The following SNX13 variants were observed in gnomAD, a reference collection of about 807,000 sequenced individuals.
The protein encoded by SNX13 is sorting nexin-13.
A neutral mutation model predicts 133.6 loss-of-function variants in SNX13; 45 were observed. The ratio of observed to expected loss-of-function variants is 0.34; its 90% CI spans 0.27 to 0.43. The LOEUF (loss-of-function observed/expected upper bound fraction) is 0.43. SNX13 is among the 20% of genes least tolerant of loss of function. The probability of loss-of-function intolerance (pLI) is 1.00; values close to 1 mark genes in which losing one functional copy is unlikely to be tolerated. For synonymous variants in SNX13, 414 were observed against 373.9 expected (o/e 1.11, Z -1.24); for missense variants, 1,032 against 1,145.1 (o/e 0.90, Z 1.43).
At chr7:17,912,602 G>T (rs1465636850) in intron 1 of SNX13, among the ~76,000 whole-genome samples, 1 of 151,934 alleles carries the variant, frequency 6.6e-6, no homozygotes, top group Non-Finnish European at 1.5e-5. Flanking sequence ...GTAGAGACGG[G>T]GTTTACACCA....
Position 17,791,406 on chromosome 7 carries a change from G to A in SNX13, c.*2639C>T, listed in dbSNP as rs1783529167. ...TTTTTTTTTTTTTTAAAAAAATTAA[G>A]GCTAACCAAGTGCATCCATTGGTCA... On this transcript the variant is annotated 3_prime_UTR_variant, in exon 26 of 26. Coordinates refer to ENST00000428135, the MANE Select transcript of SNX13 (RefSeq NM_015132.5). 6.7e-6 allele frequency: 1 copy of A among 148,644 alleles called. No individual in the cohort carries two copies. The highest frequency in any genetic ancestry group is 1.5e-5 in the Non-Finnish European group (1 of 67,196). 9.2% of individuals were successfully genotyped at this position (148,644 alleles called of 1,614,324 possible).
At chr7:17,915,127 G>A (rs1365398364) in intron 1 of SNX13, among the ~76,000 whole-genome samples, 1 of 152,158 alleles carries the variant, frequency 6.6e-6, no homozygotes, top group Non-Finnish European at 1.5e-5. Context: ...GGACAAAGAA[G>A]AGCATTATAT....
chr7:17,824,542 C>G (rs187965114), intron 17 of SNX13, among the ~76,000 whole-genome samples: 3 of 151,610 alleles, frequency 2.0e-5, no homozygotes, highest in Admixed American at 2.0e-4. Flanking sequence ...ATTATTATTA[C>G]TAGCCCATCT....
rs1434828704 is a variant in SNX13 at position 17,804,664 on chromosome 7, T to C, written c.2065-1084A>G. ...AGAGATGCAGATGAGACTGAGCGAT[T>C]CTTTAACAGAAATAAAGAAATCAAA... On this transcript the variant is annotated intron_variant, in intron 20 of 25. Transcript: ENST00000428135. 2.0e-5 allele frequency among the ~76,000 whole-genome samples: 3 copies of C among 152,036 alleles called. No individual in the cohort carries two copies. The East Asian group carries it at 5.8e-4, about 29-fold the overall frequency.
At chr7:17,924,386 G>A (rs1800484097) in intron 1 of SNX13, among the ~76,000 whole-genome samples, 3 of 152,140 alleles carry the variant, frequency 2.0e-5, no homozygotes, top group African/African-American at 4.8e-5. Flanking sequence ...ACATGAAAAG[G>A]TGCTCTCTAG....
chr7:17,915,897 T>C (rs1054956660), intron 1 of SNX13, among the ~76,000 whole-genome samples: 7 of 152,164 alleles, frequency 4.6e-5, no homozygotes, highest in Admixed American at 6.6e-5. Flanking sequence ...ACTGTCCACA[T>C]TGCTCTGTCA....
intron 15 of SNX13, chr7:17,830,248 G>A: frequency 1.0e-6 from 1 of 982,192 alleles, no homozygotes; most frequent in Non-Finnish European, 1.2e-6. Flanking sequence ...AGGCATTTAA[G>A]TGACAATATA....
intron 1 of SNX13, among the ~76,000 whole-genome samples, chr7:17,926,155 C>A (rs1018379566): frequency 6.6e-6 from 1 of 151,926 alleles, no homozygotes; most frequent in South Asian, 2.1e-4. Context: ...AAGATAAATA[C>A]GAAGAAAGTA....
chr7:17,856,301 C>A (rs1791877233), intron 9 of SNX13, among the ~76,000 whole-genome samples: 1 of 152,102 alleles, frequency 6.6e-6, no homozygotes, highest in African/African-American at 2.4e-5. Context: ...ATGGTAATGA[C>A]AATCCAAAAA....
chr7:17,850,189 ATATT>A (rs1192395492), intron 11 of SNX13, among the ~76,000 whole-genome samples, 154 bp downstream of exon 11: 1 of 152,218 alleles, frequency 6.6e-6, no homozygotes, highest in Non-Finnish European at 1.5e-5. Context: ...GTTTTAACAA[ATATT>A]TATATCACAT....
Position 17,893,850 on chromosome 7 carries a change from T to C in SNX13, c.126-416A>G, listed in dbSNP as rs140645315. Among the ~76,000 whole-genome samples, 508 of 150,968 alleles carry C rather than the reference T, an allele frequency of 3.4e-3. 1 individual carries two copies. Among genetic ancestry groups the C allele is most frequent in the African/African-American group, 0.012 (478 of 41,022 alleles). ...TAGCCAGGGTGGTGGCTTGCACCTG[T>C]AGTCCCAGCTACTTGGGAGGCTGAG... On this transcript the variant is annotated intron_variant, in intron 2 of 25. Transcript: ENST00000428135.
chr7:17,842,168 C>T (rs999097929), intron 12 of SNX13, among the ~76,000 whole-genome samples: 3 of 152,038 alleles, frequency 2.0e-5, no homozygotes, highest in African/African-American at 4.8e-5. Context: ...AAGATACCCA[C>T]ATGGAGACAC....
chr7:17,887,096 G>C (rs183358675), intron 5 of SNX13, among the ~76,000 whole-genome samples: 3 of 152,110 alleles, frequency 2.0e-5, no homozygotes, highest in Admixed American at 1.3e-4. Context: ...CCAGCTTATA[G>C]AGGCACAGAG....
At chr7:17,871,448 T>C (rs973652727) in intron 8 of SNX13, among the ~76,000 whole-genome samples, 6 of 152,184 alleles carry the variant, frequency 3.9e-5, no homozygotes, top group African/African-American at 1.4e-4. Context: ...CTCTGAATCC[T>C]CCACCCATTT....
intron 4 of SNX13, 58 bp downstream of exon 4, chr7:17,891,488 A>G (rs1583649220): frequency 7.8e-7 from 1 of 1,289,820 alleles, no homozygotes; most frequent in Non-Finnish European, 1.1e-6. Context: ...GGTATCTTCA[A>G]AAGAAATATA....
chr7:17,910,962 G>T (rs559271247), intron 1 of SNX13, among the ~76,000 whole-genome samples: 1 of 152,168 alleles, frequency 6.6e-6, no homozygotes, highest in East Asian at 1.9e-4. Context: ...ACACTAATTA[G>T]AGGTGGTGGT....
At chr7:17,924,760 T>C (rs1179954619) in intron 1 of SNX13, among the ~76,000 whole-genome samples, 1 of 152,188 alleles carries the variant, frequency 6.6e-6, no homozygotes, top group Non-Finnish European at 1.5e-5. Flanking sequence ...AAATGTAGTA[T>C]ATCCATACAA....
chr7:17,930,324 C>A (rs954150153), intron 1 of SNX13, among the ~76,000 whole-genome samples: 2 of 152,094 alleles, frequency 1.3e-5, no homozygotes, highest in Admixed American at 1.3e-4. Context: ...AACTTAGATT[C>A]AAATCCAAAT....
At chr7:17,874,690 G>C (rs927220531) in intron 7 of SNX13, among the ~76,000 whole-genome samples, 2 of 152,178 alleles carry the variant, frequency 1.3e-5, no homozygotes, top group African/African-American at 4.8e-5. Flanking sequence ...GACACTTTCT[G>C]GGAATATAAT....
Sources: gnomAD v4.1 joint callset for allele counts (sites outside exome capture counted in the v4.1 genomes callset) on GRCh38, gnomAD v4.1.1 for gene constraint, MANE v1.5 for transcripts, NCBI Gene and HGNC (gene_info 2026-07-23, HGNC 2026-07-21) for gene names.